The following PRPF39 variants were observed in gnomAD, a reference collection of about 807,000 sequenced individuals.
PRPF39 encodes pre-mRNA processing factor 39, also known as pre-mRNA-processing factor 39.
PRPF39 carries 27 observed loss-of-function variants against 82.1 expected under a neutral mutation model. That is an observed-to-expected ratio of 0.33 (90% confidence interval 0.24 to 0.45). The LOEUF is 0.45. PRPF39 is among the 20% of genes least tolerant of loss of function. The pLI is 1.00. For synonymous variants in PRPF39, 261 were observed against 256.4 expected (o/e 1.02, Z -0.17); for missense variants, 581 against 796.9 (o/e 0.73, Z 3.26).
intron 10 of PRPF39, among the ~76,000 whole-genome samples, chr14:45,111,298 G>GT (rs1285013308): frequency 1.3e-5 from 2 of 151,902 alleles, no homozygotes; most frequent in African/African-American, 4.8e-5. Context: ...TGCCAGGTCT[G>GT]TTTAAGATAC....
At chr14:45,111,855 C>G (rs1196649578) in intron 10 of PRPF39, among the ~76,000 whole-genome samples, 1 of 151,940 alleles carries the variant, frequency 6.6e-6, no homozygotes, top group Non-Finnish European at 1.5e-5. Flanking sequence ...CCAGGCTGGT[C>G]TCAAACTCCA....
intron 1 of PRPF39, among the ~76,000 whole-genome samples, chr14:45,093,218 A>G (rs1304687263): frequency 6.7e-6 from 1 of 150,314 alleles, no homozygotes; most frequent in East Asian, 1.9e-4. Context: ...ATTCCATTAT[A>G]TATGATTTAT....
chr14:45,104,383 ATAAGT>A (rs1884462674), intron 5 of PRPF39, among the ~76,000 whole-genome samples: 4 of 152,142 alleles, frequency 2.6e-5, no homozygotes, highest in African/African-American at 7.2e-5. Context: ...TATAGTTTAT[ATAAGT>A]TAATTCACAT....
intron 11 of PRPF39, 92 bp from the exon 12 acceptor site, chr14:45,114,091 C>A: frequency 2.2e-6 from 2 of 924,518 alleles, no homozygotes; most frequent in South Asian, 1.7e-5. Context: ...TAGAAATTTT[C>A]TTAGGCAGTT....
chr14:45,109,827 A>C, intron 8 of PRPF39, 47 bp downstream of exon 8: 1 of 1,536,620 alleles, frequency 6.5e-7, no homozygotes, highest in South Asian at 1.2e-5. Context: ...ATAAACATTG[A>C]TCTAGTGACT....
In PRPF39 at chr14:45,109,703, G is replaced by C. The variant is rs1156519654; in HGVS notation, c.1099G>C (p.Gly367Arg). The C allele has an allele frequency of 1.2e-6, 2 of 1,608,582 alleles. No homozygotes were observed. The highest frequency in any genetic ancestry group is 1.7e-6 in the Non-Finnish European group (2 of 1,177,148). ...KEYLEFEIEN[G>R]THERVVVLFE... ...ATACTTAGAATTTGAAATTGAAAATGGGACTCATGAACGAGTTGTGGTTCT... is the reference window on the plus strand; with the variant it reads ...ATACTTAGAATTTGAAATTGAAAATCGGACTCATGAACGAGTTGTGGTTCT... The change falls in exon 8 of 14, where the codon GGG (glycine) becomes CGG (arginine). Residue 367 changes from glycine to arginine, a missense_variant. Gly to Arg is a moderately radical substitution (Grantham distance 125). Transcript: ENST00000355765.
At chr14:45,113,758 G>A (rs1884761086) in intron 11 of PRPF39, among the ~76,000 whole-genome samples, 1 of 152,148 alleles carries the variant, frequency 6.6e-6, no homozygotes, top group Non-Finnish European at 1.5e-5. Context: ...ACACAGTGGC[G>A]GAAGCAAGTT....
chr14:45,097,305 T>C (rs1007209882), intron 4 of PRPF39, among the ~76,000 whole-genome samples: 1 of 152,188 alleles, frequency 6.6e-6, no homozygotes, highest in Non-Finnish European at 1.5e-5. Context: ...CTTTGACTTT[T>C]TTTTTTTAAT....
chr14:45,095,855 G>T, intron 2 of PRPF39: 1 of 435,424 alleles, frequency 2.3e-6, no homozygotes, highest in Non-Finnish European at 3.7e-6. Context: ...TTTCAATTGC[G>T]TTTAGAAGAA....
intron 5 of PRPF39, 118 bp downstream of exon 5, chr14:45,102,814 A>C: frequency 9.6e-7 from 1 of 1,045,724 alleles, no homozygotes; most frequent in Non-Finnish European, 1.3e-6. Flanking sequence ...AAGAGGAATA[A>C]ATTTTGTTGC....
intron 4 of PRPF39, among the ~76,000 whole-genome samples, chr14:45,100,310 G>A (rs562041969): frequency 1.5e-4 from 23 of 152,324 alleles, no homozygotes; most frequent in Non-Finnish European, 2.5e-4. Context: ...ATGGGGCATT[G>A]TCAGTTGGCC....
chr14:45,096,798 A>G (rs1884213890), intron 3 of PRPF39, 89 bp from the exon 4 acceptor site: 1 of 1,543,202 alleles, frequency 6.5e-7, no homozygotes, highest in Non-Finnish European at 8.8e-7. Flanking sequence ...AGTAATTAGT[A>G]TTTCTAAGGT....
intron 5 of PRPF39, among the ~76,000 whole-genome samples, chr14:45,103,666 T>C (rs1211634268): frequency 6.6e-6 from 1 of 152,036 alleles, no homozygotes; most frequent in Non-Finnish European, 1.5e-5. Flanking sequence ...CTTGATGAAA[T>C]AGAGGAAGCA....
chr14:45,114,164 T>C lies in PRPF39; in HGVS notation c.1758-19T>C. ...TGTTTTTTGTATATTCCAGAGGATA[T>C]TTTTTTCTTTCCTTTCAGGCTTCTG... On this transcript the variant is annotated intron_variant, in intron 11 of 13. Coordinates refer to ENST00000355765, the MANE Select transcript of PRPF39 (RefSeq NM_017922.4). The C allele has an allele frequency of 2.0e-6, 3 of 1,530,024 alleles. No individual in the cohort carries two copies. The highest frequency in any genetic ancestry group is 2.7e-6 in the Non-Finnish European group (3 of 1,120,240). The allele number at this position is 1,530,024 out of a possible 1,614,324, so 94.8% of individuals were successfully genotyped here.
intron 4 of PRPF39, among the ~76,000 whole-genome samples, chr14:45,101,178 A>G (rs1020892610): frequency 6.6e-6 from 1 of 152,124 alleles, no homozygotes; most frequent in African/African-American, 2.4e-5. Context: ...TCCTTTTACA[A>G]AGTCATTTTG....
chr14:45,099,509 A>T lies in PRPF39; in HGVS notation c.569+2504A>T, dbSNP rs553941021. The stretch of plus-strand genomic sequence containing the variant: ...CCCCAGGGTGGAGTGCAGTGGCTCG[A>T]TCTCGGCTCACTGCAAGCTCCACCT... On this transcript the variant is annotated intron_variant, in intron 4 of 13. Coordinates refer to ENST00000355765, the MANE Select transcript of PRPF39 (RefSeq NM_017922.4). Among the ~76,000 whole-genome samples the T allele has an allele frequency of 6.6e-5, 10 of 151,772 alleles. No individual in the cohort carries two copies. In the East Asian group the frequency reaches 1.7e-3, roughly 26 times the overall value.
At chr14:45,096,323 C>G (rs1386801570) in intron 3 of PRPF39, 95 bp downstream of exon 3, 14 of 1,419,232 alleles carry the variant, frequency 9.9e-6, no homozygotes, top group Non-Finnish European at 1.3e-5. Context: ...TTTTGGCTGG[C>G]AGTACCTACC....
At chr14:45,096,519 C>A (rs539271014) in intron 3 of PRPF39, 3 of 1,435,092 alleles carry the variant, frequency 2.1e-6, no homozygotes, top group East Asian at 3.4e-5. Context: ...CTCTCACTTA[C>A]ATTTATTTCT....
At chr14:45,105,434 A>T (rs2091644738) in intron 5 of PRPF39, among the ~76,000 whole-genome samples, 1 of 150,242 alleles carries the variant, frequency 6.7e-6, no homozygotes, top group East Asian at 1.9e-4. Context: ...ATCTTTGTTA[A>T]TTTTTTTCCA....
Sources: allele counts gnomAD v4.1 joint callset (sites outside exome capture counted in the v4.1 genomes callset), GRCh38; gene constraint gnomAD v4.1.1; transcripts MANE v1.5; gene names NCBI Gene and HGNC (gene_info 2026-07-23, HGNC 2026-07-21).